The following SLC25A31 variants were observed in gnomAD, a reference collection of about 807,000 sequenced individuals.
The protein encoded by SLC25A31 is solute carrier family 25 member 31.
SLC25A31 carries 40 observed loss-of-function variants against 36.2 expected under a neutral mutation model. The ratio of observed to expected loss-of-function variants is 1.10; its 90% confidence interval spans 0.86 to 1.44. The LOEUF is 1.44. Among genes scored for constraint, SLC25A31 ranks in the 40% most tolerant of loss-of-function variants. SLC25A31 has a pLI of 0.00. For synonymous variants in SLC25A31, 143 were observed against 149.7 expected (o/e 0.96, Z 0.32); for missense variants, 350 against 397.1 (o/e 0.88, Z 1.01).
At chr4:127,739,766 G>T (rs1333412609) in intron 1 of SLC25A31, among the ~76,000 whole-genome samples, 1 of 151,932 alleles carries the variant, frequency 6.6e-6, no homozygotes, top group African/African-American at 2.4e-5. Flanking sequence ...CAAAGACTTT[G>T]TTCATTTATT....
At chr4:127,746,766 CTTAAGT>C (rs139077155) in intron 2 of SLC25A31, among the ~76,000 whole-genome samples, 287 of 152,238 alleles carry the variant, frequency 1.9e-3, no homozygotes, top group Non-Finnish European at 3.2e-3. Context: ...TGCAGAAGCT[CTTAAGT>C]TTAAGTAGAT....
At chr4:127,735,958 C>T (rs1484054396) in intron 1 of SLC25A31, among the ~76,000 whole-genome samples, 1 of 145,724 alleles carries the variant, frequency 6.9e-6, no homozygotes, top group African/African-American at 2.5e-5. Flanking sequence ...GGCGCGATCT[C>T]GGCTCACTGC....
chr4:127,759,855 G>T (rs778648234), intron 2 of SLC25A31, among the ~76,000 whole-genome samples: 1 of 152,136 alleles, frequency 6.6e-6, no homozygotes, highest in African/African-American at 2.4e-5. Flanking sequence ...ACAAACTTTT[G>T]ATATGTGCAC....
intron 4 of SLC25A31, among the ~76,000 whole-genome samples, chr4:127,768,187 T>C (rs1462003561): frequency 6.6e-6 from 1 of 152,008 alleles, no homozygotes; most frequent in African/African-American, 2.4e-5. Context: ...TTAGTATAAA[T>C]GTAGTTGCAT....
At chr4:127,761,902 A>G (rs991201480) in intron 2 of SLC25A31, among the ~76,000 whole-genome samples, 2 of 152,192 alleles carry the variant, frequency 1.3e-5, no homozygotes, top group African/African-American at 4.8e-5. Flanking sequence ...ATCTTTTTCT[A>G]CCAGGTTACC....
intron 5 of SLC25A31, 138 bp from the exon 6 acceptor site, chr4:127,773,248 G>A: frequency 3.1e-6 from 2 of 645,690 alleles, no homozygotes; most frequent in Admixed American, 7.4e-5. Flanking sequence ...AACCACCAGG[G>A]ACAGTAGCCA....
intron 2 of SLC25A31, among the ~76,000 whole-genome samples, chr4:127,755,619 A>G (rs1247847226): frequency 6.6e-6 from 1 of 152,248 alleles, no homozygotes; most frequent in Non-Finnish European, 1.5e-5. Flanking sequence ...AATGACTATT[A>G]TCAAAAATAT....
intron 1 of SLC25A31, among the ~76,000 whole-genome samples, chr4:127,732,582 T>C (rs545967903): frequency 1.3e-5 from 2 of 152,354 alleles, no homozygotes; most frequent in Admixed American, 6.5e-5. Flanking sequence ...CAGATAGGGC[T>C]GACTAGTGCT....
intron 1 of SLC25A31, among the ~76,000 whole-genome samples, chr4:127,734,646 C>T (rs774530096): frequency 4.6e-5 from 7 of 150,738 alleles, no homozygotes; most frequent in African/African-American, 7.3e-5. Flanking sequence ...TTCCGTGTCA[C>T]GAGTTTATCA....
intron 5 of SLC25A31, among the ~76,000 whole-genome samples, chr4:127,770,490 G>A (rs1302277910): frequency 6.6e-6 from 1 of 151,958 alleles, no homozygotes; most frequent in Non-Finnish European, 1.5e-5. Flanking sequence ...GCCAGGCGTG[G>A]TGGCGGGCGC....
At chr4:127,745,083 G>A (rs73847058) in intron 2 of SLC25A31, among the ~76,000 whole-genome samples, 2,884 of 152,110 alleles carry the variant, frequency 0.019, 89 homozygotes, top group African/African-American at 0.064. Flanking sequence ...ACTGTTTTGC[G>A]CTGGGGAAAC....
At chr4:127,744,102 A>C (rs980584960) in intron 1 of SLC25A31, among the ~76,000 whole-genome samples, 7 of 152,222 alleles carry the variant, frequency 4.6e-5, no homozygotes, top group Non-Finnish European at 1.0e-4. Context: ...TACTGGCGTC[A>C]AAGATTTCTT....
Position 127,767,094 on chromosome 4 carries a change from A to C in SLC25A31, c.507A>C (p.Leu169Phe), listed in dbSNP as rs1360508116. 1 of 1,613,242 alleles carries C rather than the reference A, an allele frequency of 6.2e-7. No individual in the cohort carries two copies. Among genetic ancestry groups the C allele is most frequent in the South Asian group, 1.1e-5 (1 of 90,844 alleles). ...KGPEERQFKG[L>F]GDCIMKIAKS... ...CTGAGGAGCGACAATTCAAGGGTTT[A>C]GGTGACTGTATTATGAAAATAGCAA... Residue 169 changes from leucine to phenylalanine, a missense_variant, in exon 4 of 6, where the codon TTA (leucine) becomes TTC (phenylalanine). Transcript: ENST00000281154.
intron 1 of SLC25A31, among the ~76,000 whole-genome samples, chr4:127,741,513 G>A (rs1336541451): frequency 1.3e-5 from 2 of 152,120 alleles, no homozygotes; most frequent in Non-Finnish European, 2.9e-5. Flanking sequence ...TGCGGTATAT[G>A]ACATTTACCC....
At chr4:127,760,792 C>G (rs1468911013) in intron 2 of SLC25A31, among the ~76,000 whole-genome samples, 3 of 152,160 alleles carry the variant, frequency 2.0e-5, no homozygotes, top group Admixed American at 2.0e-4. Context: ...GTAATCCCAG[C>G]ACTTTGGGAG....
chr4:127,764,878 G>A (rs1282222969), intron 3 of SLC25A31, among the ~76,000 whole-genome samples: 8 of 152,078 alleles, frequency 5.3e-5, no homozygotes, highest in Non-Finnish European at 1.0e-4. Flanking sequence ...CTCTCAAAAA[G>A]GGTAAGACAT....
In SLC25A31 at chr4:127,773,937, T is replaced by TCA. The variant is rs1471458862; in HGVS notation, c.*363_*364insCA. On this transcript the variant is annotated 3_prime_UTR_variant, in exon 6 of 6. Transcript: ENST00000281154. Reference sequence around the variant, plus strand: ...AATTGCTATTCATTTAATATACCTGTTTTCCCATCTTTTGAAGTCATATGG... The same window carrying TCA: ...AATTGCTATTCATTTAATATACCTGTCATTTCCCATCTTTTGAAGTCATATGG... 134 of 161,506 alleles carry TCA rather than the reference T, an allele frequency of 8.3e-4. No individual in the cohort carries two copies. The highest frequency in any genetic ancestry group is 3.1e-3 in the Middle Eastern group (1 of 318). 10.0% of individuals were successfully genotyped at this position (161,506 alleles called of 1,614,324 possible). A position where few individuals can be genotyped will look rare whatever the true frequency, so the allele number is the denominator to read the frequency against.
At chr4:127,735,888 A>ATTTTTTT (rs1250183377) in intron 1 of SLC25A31, among the ~76,000 whole-genome samples, 1 of 47,850 alleles carries the variant, frequency 2.1e-5, no homozygotes, top group Non-Finnish European at 4.2e-5. Context: ...TTATTTATTT[A>ATTTTTTT]TTTATTTATT....
At chr4:127,735,945 A>G (rs1457884237) in intron 1 of SLC25A31, among the ~76,000 whole-genome samples, 3 of 137,348 alleles carry the variant, frequency 2.2e-5, no homozygotes, top group Non-Finnish European at 3.0e-5. Flanking sequence ...GCTGGAGTGC[A>G]GTGGCGCGAT....
Sources: allele counts gnomAD v4.1 joint callset (sites outside exome capture counted in the v4.1 genomes callset), GRCh38; gene constraint gnomAD v4.1.1; transcripts MANE v1.5; gene names NCBI Gene and HGNC (gene_info 2026-07-23, HGNC 2026-07-21).